Variants in FSTL5 observed in about 807,000 individuals in gnomAD.
FSTL5 encodes follistatin-related protein 5.
In FSTL5, 62 loss-of-function variants were observed where a neutral mutation model predicts 89.1. The ratio of observed to expected loss-of-function variants is 0.70; its 90% CI spans 0.57 to 0.86. The LOEUF is 0.86. Among genes scored for constraint, FSTL5 ranks in the 40% least tolerant of loss-of-function variants. The pLI is 0.00. For missense variants in FSTL5, 1,057 were observed against 1,001.6 expected, an observed-to-expected ratio of 1.06 and a Z score of -0.75; for synonymous variants, 383 against 346.2, an observed-to-expected ratio of 1.11 and a Z score of -1.18.
chr4:161,858,132 T>C (rs1421854063), intron 4 of FSTL5, among the ~76,000 whole-genome samples: 3 of 152,072 alleles, frequency 2.0e-5, no homozygotes, highest in Admixed American at 2.0e-4. Flanking sequence ...CTTATATTAA[T>C]AAAAGAGGCC....
intron 6 of FSTL5, among the ~76,000 whole-genome samples, chr4:161,661,203 G>T (rs1736695902): frequency 6.6e-6 from 1 of 152,074 alleles, no homozygotes; most frequent in Non-Finnish European, 1.5e-5. Flanking sequence ...ATCATAAGAA[G>T]AGCAAGCTTT....
chr4:161,547,253 A>G (rs1047227260), intron 8 of FSTL5, among the ~76,000 whole-genome samples: 1 of 152,050 alleles, frequency 6.6e-6, no homozygotes, highest in Non-Finnish European at 1.5e-5. Flanking sequence ...TTGAAATCTC[A>G]GAAAAGAGAT....
chr4:161,915,499 CAT>C (rs1733813483), intron 4 of FSTL5, among the ~76,000 whole-genome samples: 2 of 151,992 alleles, frequency 1.3e-5, no homozygotes, highest in Admixed American at 6.6e-5. Flanking sequence ...AAACATCTAT[CAT>C]ATGTCTCCTA....
intron 6 of FSTL5, among the ~76,000 whole-genome samples, chr4:161,695,983 C>A (rs1738149836): frequency 6.6e-6 from 1 of 152,072 alleles, no homozygotes; most frequent in Admixed American, 6.6e-5. Context: ...AGCAATTTAT[C>A]TTTGTTTTAT....
chr4:161,602,618 G>C (rs181257319), intron 7 of FSTL5, among the ~76,000 whole-genome samples: 1 of 152,182 alleles, frequency 6.6e-6, no homozygotes, highest in Admixed American at 6.6e-5. Context: ...AAGATAAAGA[G>C]AAATGTTTGA....
At chr4:162,152,535 A>C (rs1442970503) in intron 1 of FSTL5, among the ~76,000 whole-genome samples, 1 of 152,104 alleles carries the variant, frequency 6.6e-6, no homozygotes, top group Non-Finnish European at 1.5e-5. Flanking sequence ...ATGTCACACT[A>C]TTTGAATAAA....
intron 3 of FSTL5, among the ~76,000 whole-genome samples, chr4:161,953,003 T>C (rs1459248709): frequency 6.6e-6 from 1 of 151,796 alleles, no homozygotes; most frequent in Non-Finnish European, 1.5e-5. Context: ...CTTGGTTCCT[T>C]ATCTTCATGA....
intron 6 of FSTL5, among the ~76,000 whole-genome samples, chr4:161,687,956 C>T (rs1377010627): frequency 6.6e-6 from 1 of 152,222 alleles, no homozygotes; most frequent in African/African-American, 2.4e-5. Flanking sequence ...TTCTGCTCCT[C>T]TGCCATGTGT....
At chr4:161,586,497 A>C (rs971436173) in intron 8 of FSTL5, among the ~76,000 whole-genome samples, 1 of 152,220 alleles carries the variant, frequency 6.6e-6, no homozygotes, top group African/African-American at 2.4e-5. Flanking sequence ...TGATACTGAC[A>C]GAAGTACTTT....
At chr4:161,466,081 A>G (rs1733739616) in intron 13 of FSTL5, among the ~76,000 whole-genome samples, 1 of 152,304 alleles carries the variant, frequency 6.6e-6, no homozygotes, top group Admixed American at 6.5e-5. Flanking sequence ...TGTTAACATA[A>G]AATATATAGT....
intron 13 of FSTL5, among the ~76,000 whole-genome samples, chr4:161,472,759 A>T (rs1459696702): frequency 1.3e-5 from 2 of 148,746 alleles, no homozygotes; most frequent in Non-Finnish European, 3.0e-5. Context: ...ACGGAGTCTC[A>T]CTCTTGCCAG....
chr4:161,671,520 T>C (rs1737113600), intron 6 of FSTL5, among the ~76,000 whole-genome samples: 1 of 152,182 alleles, frequency 6.6e-6, no homozygotes, highest in African/African-American at 2.4e-5. Context: ...ATTGAAACAT[T>C]ACTTTGCTGC....
chr4:161,686,806 C>A (rs1737763397), intron 6 of FSTL5, among the ~76,000 whole-genome samples: 1 of 151,998 alleles, frequency 6.6e-6, no homozygotes, highest in African/African-American at 2.4e-5. Flanking sequence ...AATAGGCACA[C>A]TTTTAAATAA....
intron 4 of FSTL5, among the ~76,000 whole-genome samples, chr4:161,920,042 G>A (rs757178256): frequency 4.0e-4 from 61 of 152,256 alleles, no homozygotes; most frequent in African/African-American, 1.2e-3. Context: ...AGCATGGCTT[G>A]GCACTCACTA....
intron 4 of FSTL5, among the ~76,000 whole-genome samples, chr4:161,808,144 G>A (rs1196928008): frequency 6.6e-6 from 1 of 152,178 alleles, no homozygotes; most frequent in Non-Finnish European, 1.5e-5. Flanking sequence ...ATAGTTTTTA[G>A]AGAAAAGATT....
chr4:161,699,378 C>T (rs904493161), intron 6 of FSTL5, among the ~76,000 whole-genome samples: 2 of 152,070 alleles, frequency 1.3e-5, no homozygotes, highest in Non-Finnish European at 2.9e-5. Flanking sequence ...CATGTGTTAT[C>T]TTTCACTAGT....
intron 2 of FSTL5, among the ~76,000 whole-genome samples, chr4:162,058,593 A>G (rs962553857): frequency 1.3e-5 from 2 of 151,648 alleles, no homozygotes; most frequent in African/African-American, 4.8e-5. Flanking sequence ...ATGCCCGGCT[A>G]ATTTTGTATA....
intron 8 of FSTL5, among the ~76,000 whole-genome samples, chr4:161,554,838 T>C (rs936043997): frequency 7.9e-5 from 12 of 151,702 alleles, no homozygotes; most frequent in Non-Finnish European, 1.2e-4. Flanking sequence ...GTTTGTATTA[T>C]GACTTCCTTT....
At chr4:161,392,352 G>A (rs1730848812) in intron 15 of FSTL5, among the ~76,000 whole-genome samples, 1 of 151,780 alleles carries the variant, frequency 6.6e-6, no homozygotes, top group Non-Finnish European at 1.5e-5. Flanking sequence ...TCAAACTCCT[G>A]AGTAGCTGGG....
Sources: gnomAD v4.1 joint callset for allele counts (sites outside exome capture counted in the v4.1 genomes callset) on GRCh38, gnomAD v4.1.1 for gene constraint, MANE v1.5 for transcripts, NCBI Gene and HGNC (gene_info 2026-07-23, HGNC 2026-07-21) for gene names.